The following SMC6 variants were observed in gnomAD, a reference collection of about 807,000 sequenced individuals.
The protein encoded by SMC6 is structural maintenance of chromosomes protein 6.
In SMC6, 79 loss-of-function variants were observed where a neutral mutation model predicts 142.2. The observed-to-expected ratio is 0.56, with a 90% confidence interval of 0.46 to 0.67. The LOEUF (loss-of-function observed/expected upper bound fraction) is 0.67, where lower values mean the gene tolerates loss of function less well. Ranked by LOEUF, SMC6 falls within the 30% of genes least tolerant of loss-of-function variation. The probability of loss-of-function intolerance (pLI) is 0.00; values close to 1 mark genes in which losing one functional copy is unlikely to be tolerated. For missense variants in SMC6, 1,072 were observed against 1,284.0 expected (o/e 0.83, Z 2.52); for synonymous variants, 411 against 412.4 (o/e 1.00, Z 0.04).
chr2:17,730,481 C>A (rs556461474), intron 7 of SMC6, among the ~76,000 whole-genome samples: 1 of 151,010 alleles, frequency 6.6e-6, no homozygotes, highest in South Asian at 2.1e-4. Context: ...AGCAAAGAAA[C>A]CTGACATCCT....
intron 5 of SMC6, 58 bp from the exon 6 acceptor site, chr2:17,731,935 G>A: frequency 6.6e-7 from 1 of 1,524,680 alleles, no homozygotes; most frequent in Non-Finnish European, 8.8e-7. Flanking sequence ...ACAATACTAG[G>A]TTGCCACAGT....
At chr2:17,674,989 T>C (rs759898351) in intron 25 of SMC6, among the ~76,000 whole-genome samples, 14 of 152,132 alleles carry the variant, frequency 9.2e-5, no homozygotes, top group Non-Finnish European at 1.5e-4. Context: ...TTTAATAATT[T>C]AGTGCACTTA....
chr2:17,669,633 G>A (rs1482663807), intron 26 of SMC6, among the ~76,000 whole-genome samples: 1 of 152,152 alleles, frequency 6.6e-6, no homozygotes, highest in Non-Finnish European at 1.5e-5. Flanking sequence ...GGTCTGTGGT[G>A]TCAAATACTT....
At chr2:17,711,395 T>C (rs1668817745) in intron 16 of SMC6, among the ~76,000 whole-genome samples, 2 of 152,072 alleles carry the variant, frequency 1.3e-5, no homozygotes, top group African/African-American at 4.8e-5. Context: ...CAAACAATGT[T>C]AAGCAGAAAG....
At chr2:17,692,095 AG>A (rs1667760615) in intron 23 of SMC6, among the ~76,000 whole-genome samples, 1 of 152,242 alleles carries the variant, frequency 6.6e-6, no homozygotes, top group Non-Finnish European at 1.5e-5. Context: ...GCTCATGGGT[AG>A]GAAGAATCAA....
intron 16 of SMC6, among the ~76,000 whole-genome samples, chr2:17,713,004 A>G (rs1034849452): frequency 6.6e-6 from 1 of 152,198 alleles, no homozygotes; most frequent in Non-Finnish European, 1.5e-5. Context: ...CTCTTACCAC[A>G]ACCTCCTATC....
chr2:17,726,425 C>T lies in SMC6; in HGVS notation c.588G>A (p.Gln196=). The change falls in exon 8 of 28, where the codon CAG becomes CAA. Residue 196 remains glutamine (Q), a synonymous_variant. Coordinates refer to ENST00000448223, the MANE Select transcript of SMC6 (RefSeq NM_001142286.2). ...CTCCTTCATTTTTAGACTGTAAGAA[C>T]TGCTTGCTCATTTCTTGTGTTAAAA... ...VSVLTQEMSK[Q]FLQSKNEGDK... 2 of 1,612,422 alleles carry T rather than the reference C, an allele frequency of 1.2e-6. No homozygotes were observed. Among genetic ancestry groups the T allele is most frequent in the Non-Finnish European group, 1.7e-6 (2 of 1,179,514 alleles).
At chr2:17,676,826 T>A (rs985780261) in intron 25 of SMC6, among the ~76,000 whole-genome samples, 1 of 152,202 alleles carries the variant, frequency 6.6e-6, no homozygotes, top group African/African-American at 2.4e-5. Context: ...TAGTATTTTT[T>A]AAAATTTCAA....
At chr2:17,745,736 TTTC>T (rs1343009311) in intron 3 of SMC6, 88 bp downstream of exon 3, 10 of 1,341,656 alleles carry the variant, frequency 7.5e-6, no homozygotes, top group Middle Eastern at 2.0e-4. Context: ...CATATTACTT[TTTC>T]TTGATTTTAA....
At chr2:17,677,898 A>C (rs568065014) in intron 25 of SMC6, among the ~76,000 whole-genome samples, 145 of 152,338 alleles carry the variant, frequency 9.5e-4, no homozygotes, top group Non-Finnish European at 1.7e-3. Flanking sequence ...ATTTATTGTA[A>C]GTATTAAAAT....
chr2:17,751,467 CAA>C (rs11309389), intron 2 of SMC6, among the ~76,000 whole-genome samples: 2,044 of 89,062 alleles, frequency 0.023, 13 homozygotes, highest in Admixed American at 0.027. Context: ...CTGTCTCAAA[CAA>C]AAAAAAAAAA....
At chr2:17,744,536 TTG>T (rs1280641918) in intron 3 of SMC6, among the ~76,000 whole-genome samples, 14 of 152,178 alleles carry the variant, frequency 9.2e-5, no homozygotes, top group Admixed American at 7.9e-4. Flanking sequence ...GAGACAGTTT[TTG>T]TGTGTGTTTT....
chr2:17,689,497 T>C (rs181718518), intron 23 of SMC6, among the ~76,000 whole-genome samples: 2 of 152,312 alleles, frequency 1.3e-5, no homozygotes, highest in East Asian at 3.9e-4. Context: ...AGGGTCATGA[T>C]TTATGAAACC....
intron 15 of SMC6, among the ~76,000 whole-genome samples, chr2:17,715,548 A>T (rs1396698216): frequency 6.6e-6 from 1 of 152,174 alleles, no homozygotes; most frequent in African/African-American, 2.4e-5. Context: ...TACTAACAAA[A>T]TATATTTATA....
At chr2:17,699,117 AT>A (rs1292821330) in intron 21 of SMC6, among the ~76,000 whole-genome samples, 4 of 151,442 alleles carry the variant, frequency 2.6e-5, no homozygotes, top group Non-Finnish European at 5.9e-5. Context: ...TTTTTATCTC[AT>A]TTTTTTTCCT....
rs577126102 is a variant in SMC6 at position 17,670,569 on chromosome 2, G to T, written c.2917C>A (p.Pro973Thr). The T allele has an allele frequency of 6.4e-7, 1 of 1,555,488 alleles. No individual in the cohort carries two copies. The highest frequency in any genetic ancestry group is 1.4e-5 in the African/African-American group (1 of 71,390). ...KNETLSISVQ[P>T]GEGNKAAFND... ...AAAGCAGCTTTATTTCCTTCTCCAG[G>T]CTGAACCTTGAAGAGAATGAGTTGA... is the stretch of plus-strand genomic sequence containing the variant. Residue 973 changes from proline (P) to threonine (T), a missense_variant, in exon 26 of 28, where the codon CCT becomes ACT. Around this residue, in one of 3 missense-constraint regions of SMC6, gnomAD observed 994 missense variants for 1,153.2 expected, o/e 0.86. Coordinates refer to ENST00000448223, the MANE Select transcript of SMC6 (RefSeq NM_001142286.2).
chr2:17,688,720 T>G (rs1667570848), intron 23 of SMC6, among the ~76,000 whole-genome samples: 1 of 152,146 alleles, frequency 6.6e-6, no homozygotes, highest in Admixed American at 6.5e-5. Flanking sequence ...TCCAAGTAAC[T>G]TTACAACACA....
chr2:17,723,424 C>G lies in SMC6; in HGVS notation c.726+1833G>C, dbSNP rs532838831. On this transcript the variant is annotated intron_variant, in intron 9 of 27. Coordinates refer to ENST00000448223, the MANE Select transcript of SMC6 (RefSeq NM_001142286.2). The stretch of plus-strand genomic sequence containing the variant: ...CCACAACCTGGCCTCTCATCTCTCA[C>G]ACCTGTGTTTTACACTCTAGCCAAT... Among the ~76,000 whole-genome samples the G allele has an allele frequency of 5.6e-4, 85 of 152,334 alleles. 1 individual carries two copies. In the Middle Eastern group the frequency reaches 0.01, roughly 18 times the overall value.
intron 21 of SMC6, among the ~76,000 whole-genome samples, chr2:17,699,458 A>T (rs1668167341): frequency 6.6e-6 from 1 of 152,072 alleles, no homozygotes; most frequent in South Asian, 2.1e-4. Flanking sequence ...GTTTACGTAC[A>T]TTCTTTAATC....
Sources: gnomAD v4.1 joint callset for allele counts (sites outside exome capture counted in the v4.1 genomes callset) on GRCh38, gnomAD v4.1.1 for gene constraint, gnomAD v4.1.1 regional missense constraint, MANE v1.5 for transcripts, NCBI Gene and HGNC (gene_info 2026-07-23, HGNC 2026-07-21) for gene names.